The following MAK variants were observed in gnomAD, a reference collection of about 807,000 sequenced individuals.
MAK encodes the protein male germ cell associated kinase, also known as serine/threonine-protein kinase MAK.
A neutral mutation model predicts 82.6 loss-of-function variants in MAK; 65 were observed. That is an observed-to-expected ratio of 0.79 (90% CI 0.64 to 0.97). The LOEUF (loss-of-function observed/expected upper bound fraction) is 0.97, where lower values mean the gene tolerates loss of function less well. Among genes scored for constraint, MAK ranks in the 50% least tolerant of loss-of-function variants. MAK has a pLI of 0.00. For missense variants in MAK, 703 were observed against 780.2 expected, an observed-to-expected ratio of 0.90 and a Z score of 1.18; for synonymous variants, 250 against 274.2, an observed-to-expected ratio of 0.91 and a Z score of 0.87.
chr6:10,795,751 A>G (rs1335809545), intron 9 of MAK, among the ~76,000 whole-genome samples: 1 of 152,228 alleles, frequency 6.6e-6, no homozygotes, highest in African/African-American at 2.4e-5. Context: ...TCTCAAAAAA[A>G]GAAAAAGAAA....
rs770348792 is a variant in MAK, at chr6:10,802,048, T to C, written c.675A>G (p.Pro225=). The C allele has an allele frequency of 1.9e-6, 3 of 1,614,012 alleles. No homozygotes were observed. The African/African-American group carries it at 4.0e-5, about 22-fold the overall frequency. Residue 225 remains proline, a synonymous_variant, in exon 8 of 15, where the codon CCA becomes CCG. Coordinates refer to ENST00000354489, the MANE Select transcript of MAK (RefSeq NM_001242957.3). ...VLGTPKKSDW[P]EGYQLASSMN... ...TAGAGGATGCCAGCTGGTATCCTTCTGGCCAGTCACTCTGTTTCAGGAATA... is the reference window on the plus strand; with the variant it reads ...TAGAGGATGCCAGCTGGTATCCTTCCGGCCAGTCACTCTGTTTCAGGAATA...
rs1236009926 is a variant in MAK at position 10,800,339 on chromosome 6, A to G, written c.831+1553T>C. On this transcript the variant is annotated intron_variant, in intron 8 of 14. Transcript: ENST00000354489. This position sits in a 1 kb window ranked among gnomAD's most constrained non-coding sequence, Gnocchi z 4.2. ...TAGGAGTATTATATTAAGAATTAAA[A>G]ATAATTTTCTCTGTCTTATCTTTCC... Among the ~76,000 whole-genome samples, 2 of 152,148 alleles carry G rather than the reference A, an allele frequency of 1.3e-5. No individual in the cohort carries two copies. Among genetic ancestry groups the G allele is most frequent in the Non-Finnish European group, 2.9e-5 (2 of 68,018 alleles).
chr6:10,784,739 C>A, intron 10 of MAK, 167 bp from the exon 11 acceptor site: 1 of 701,230 alleles, frequency 1.4e-6, no homozygotes, highest in Non-Finnish European at 2.6e-6. Context: ...CCCCTCCACC[C>A]GCGTAGATAT....
rs958213955 is a variant in MAK at position 10,776,372 on chromosome 6, G to T, written c.1466-913C>A. On this transcript the variant is annotated intron_variant, in intron 11 of 14. Transcript: ENST00000354489. This position sits in a 1 kb window ranked among gnomAD's most constrained non-coding sequence, Gnocchi z 4.3. ...TGAAATGTCCATTCAGCCTTGGGCC[G>T]TGATACTAGTGGTCAAAGGGAGTTG... is the stretch of plus-strand genomic sequence containing the variant. Among the ~76,000 whole-genome samples the T allele has an allele frequency of 1.3e-5, 2 of 152,198 alleles. No homozygotes were observed. Among genetic ancestry groups the T allele is most frequent in the Non-Finnish European group, 2.9e-5 (2 of 68,030 alleles).
In MAK at chr6:10,791,673, A is replaced by T. The variant is rs1453700499; in HGVS notation, c.1316+2T>A. The T allele has an allele frequency of 6.2e-7, 1 of 1,611,910 alleles. No individual in the cohort carries two copies. The highest frequency in any genetic ancestry group is 8.5e-7 in the Non-Finnish European group (1 of 1,179,050). Reference sequence around the variant, plus strand: ...ATTTTTCTGAGGAATTTGAAATCTTACCGAAATGGAGAATCTTTTTTCCTT... The same window carrying T: ...ATTTTTCTGAGGAATTTGAAATCTTTCCGAAATGGAGAATCTTTTTTCCTT... On this transcript the variant is annotated splice_donor_variant, in intron 10 of 14. Coordinates refer to ENST00000354489, the MANE Select transcript of MAK (RefSeq NM_001242957.3). LOFTEE classifies it high-confidence loss of function.
chr6:10,817,926 C>A lies in MAK; in HGVS notation c.202G>T (p.Val68Phe). 1 of 1,418,508 alleles carries A rather than the reference C, an allele frequency of 7.0e-7. No homozygotes were observed. Among genetic ancestry groups the A allele is most frequent in the Non-Finnish European group, 9.8e-7 (1 of 1,020,360 alleles). The allele number at this position is 1,418,508 out of a possible 1,614,324, so 87.9% of individuals were successfully genotyped here. ...NHANVIKLKE[V>F]IRENDHLYFI... ...TAAAGATGGTCATTTTCTCTGATAA[C>A]TTCTTTCAATTTAATAACATTGGCA... is the stretch of plus-strand genomic sequence containing the variant. The change falls in exon 4 of 15, where the codon GTT (valine) becomes TTT (phenylalanine). Residue 68 changes from valine to phenylalanine, a missense_variant. By Grantham distance (50) the Val-to-Phe change is conservative. Transcript: ENST00000354489.
At chr6:10,835,995 G>A (rs1325628958) in intron 1 of MAK, among the ~76,000 whole-genome samples, 4 of 152,202 alleles carry the variant, frequency 2.6e-5, no homozygotes, top group African/African-American at 9.7e-5. Flanking sequence ...CCAAGCCTGC[G>A]TGCACAGTCT....
chr6:10,795,306 G>A lies in MAK; in HGVS notation c.1143+692C>T, dbSNP rs1775440552. 2.6e-5 allele frequency among the ~76,000 whole-genome samples: 4 copies of A among 151,780 alleles called. No individual in the cohort carries two copies. In the South Asian group the frequency reaches 8.3e-4, roughly 31 times the overall value. ...AAAATACAAAAATTAGCTGGGTGTG[G>A]TGGTGGGTGCCTATAATCCCAGCCA... On this transcript the variant is annotated intron_variant, in intron 9 of 14. Transcript: ENST00000354489.
At chr6:10,801,009 T>C (rs496996) in intron 8 of MAK, among the ~76,000 whole-genome samples, 125,780 of 151,378 alleles carry the variant, frequency 0.83, 52,255 homozygotes, top group South Asian at 0.87. Flanking sequence ...CTGACTCATA[T>C]GTTCTGCAAC....
intron 14 of MAK, among the ~76,000 whole-genome samples, chr6:10,768,074 A>C (rs901637877): frequency 2.0e-5 from 3 of 152,156 alleles, no homozygotes; most frequent in African/African-American, 7.2e-5. Context: ...TGATAAGCAG[A>C]GTAAAGAAAT....
chr6:10,764,201 A>AT lies in MAK; in HGVS notation c.*250_*251insA. Reference sequence around the variant, plus strand: ...TTAAATTGTAGATCAAATACTTCATACTTTGGCAAATAGTTTATTCAATAC... The same window carrying AT: ...TTAAATTGTAGATCAAATACTTCATATCTTTGGCAAATAGTTTATTCAATAC... On this transcript the variant is annotated 3_prime_UTR_variant, in exon 15 of 15. Transcript: ENST00000354489. 2.2e-6 allele frequency: 1 copy of AT among 453,958 alleles called. No individual in the cohort carries two copies. Among genetic ancestry groups the AT allele is most frequent in the South Asian group, 3.3e-5 (1 of 30,418 alleles). The allele number at this position is 453,958 out of a possible 1,614,324, so 28.1% of individuals were successfully genotyped here. A position where few individuals can be genotyped will look rare whatever the true frequency, so the allele number is the denominator to read the frequency against.
chr6:10,809,485 C>T (rs1776755750), intron 5 of MAK, among the ~76,000 whole-genome samples: 1 of 152,264 alleles, frequency 6.6e-6, no homozygotes, highest in East Asian at 1.9e-4. Flanking sequence ...GCCACCACTC[C>T]CACCTAATTT....
At chr6:10,796,441 A>G in intron 8 of MAK, 132 bp from the exon 9 acceptor site, 1 of 719,854 alleles carries the variant, frequency 1.4e-6, no homozygotes, top group Non-Finnish European at 2.4e-6. Context: ...GAAAGCAGCC[A>G]TCATTCCCTA....
intron 13 of MAK, among the ~76,000 whole-genome samples, chr6:10,772,076 C>CACAAAAGCTGGTGAGTG (rs1229586374): frequency 6.6e-6 from 1 of 152,160 alleles, no homozygotes; most frequent in Non-Finnish European, 1.5e-5. Flanking sequence ...TGTCCCAAAC[C>CACAAAAGCTGGTGAGTG]ACAAAAGCTG....
Position 10,773,108 on chromosome 6 carries a change from TCTA to T in MAK, c.1598-3_1598-1del. Reference sequence around the variant, plus strand: ...TTCGATTGGTTTAATTATGCTTTCTTCTAAAGAGAAGACAGATGGAAAGAAAGA... The same window carrying T: ...TTCGATTGGTTTAATTATGCTTTCTTAAGAGAAGACAGATGGAAAGAAAGA... On this transcript the variant is annotated splice_acceptor_variant and splice_polypyrimidine_tract_variant and intron_variant, in intron 12 of 14. Coordinates refer to ENST00000354489, the MANE Select transcript of MAK (RefSeq NM_001242957.3). LOFTEE classifies it high-confidence loss of function. 6.7e-7 allele frequency: 1 copy of T among 1,483,690 alleles called. No homozygotes were observed. Among genetic ancestry groups the T allele is most frequent in the Non-Finnish European group, 9.1e-7 (1 of 1,103,454 alleles). The allele number at this position is 1,483,690 out of a possible 1,614,324, so 91.9% of individuals were successfully genotyped here.
intron 14 of MAK, among the ~76,000 whole-genome samples, chr6:10,769,091 G>A (rs1209208079): frequency 6.6e-6 from 1 of 152,156 alleles, no homozygotes; most frequent in African/African-American, 2.4e-5. Flanking sequence ...GTGTGTGCCT[G>A]TAGTCCCATC....
intron 6 of MAK, 83 bp from the exon 7 acceptor site, chr6:10,803,974 A>G: frequency 8.5e-7 from 1 of 1,173,846 alleles, no homozygotes. Context: ...CTGTGTGGTC[A>G]TGCATTTCCA....
intron 14 of MAK, among the ~76,000 whole-genome samples, chr6:10,765,513 G>A (rs2127502702): frequency 6.8e-6 from 1 of 147,146 alleles, no homozygotes. Context: ...AGGCTGGAGT[G>A]CAATGGTGCG....
intron 1 of MAK, among the ~76,000 whole-genome samples, chr6:10,837,415 G>A (rs888870572): frequency 1.3e-5 from 2 of 152,222 alleles, no homozygotes; most frequent in African/African-American, 2.4e-5. Context: ...GAGATTAAAC[G>A]TCCTGCCCGG....
Sources: gnomAD v4.1 joint callset for allele counts (sites outside exome capture counted in the v4.1 genomes callset) on GRCh38, gnomAD v4.1.1 for gene constraint, Gnocchi (gnomAD v3.1) non-coding constraint, MANE v1.5 for transcripts, NCBI Gene and HGNC (gene_info 2026-07-23, HGNC 2026-07-21) for gene names.